CFAP43: variants seen among roughly 807,000 people sequenced by gnomAD.
CFAP43 encodes cilia- and flagella-associated protein 43.
Under a neutral mutation model 218.9 loss-of-function variants are expected in CFAP43, and 155 were observed. The ratio of observed to expected loss-of-function variants is 0.71; its 90% confidence interval spans 0.62 to 0.81. CFAP43 has a LOEUF of 0.81. CFAP43 is among the 30% of genes least tolerant of loss of function. The pLI is 0.00. For missense variants in CFAP43, 1,778 were observed against 1,954.3 expected, an observed-to-expected ratio of 0.91 and a Z score of 1.70; for synonymous variants, 645 against 681.3, an observed-to-expected ratio of 0.95 and a Z score of 0.83.
intron 27 of CFAP43, among the ~76,000 whole-genome samples, chr10:104,155,143 T>C (rs955438735): frequency 1.3e-5 from 2 of 152,140 alleles, no homozygotes; most frequent in Non-Finnish European, 2.9e-5. Context: ...TTGTCTCATC[T>C]TGGGGTGAGG....
intron 29 of CFAP43, among the ~76,000 whole-genome samples, chr10:104,147,059 C>T (rs2088011271): frequency 6.6e-6 from 1 of 151,926 alleles, no homozygotes. Context: ...CTTGCTGTGC[C>T]AAGCTCTGAA....
In CFAP43 at chr10:104,155,272, T is replaced by C. The variant is rs1001203601; in HGVS notation, c.3541-2546A>G. Among the ~76,000 whole-genome samples, 3 of 152,112 alleles carry C rather than the reference T, an allele frequency of 2.0e-5. No homozygotes were observed. The East Asian group carries it at 5.8e-4, about 29-fold the overall frequency. On this transcript the variant is annotated intron_variant, in intron 27 of 37. Coordinates refer to ENST00000357060, the MANE Select transcript of CFAP43 (RefSeq NM_025145.7). ...CTGGACATGGAGGCTCCCTTGATCA[T>C]CCAAGGGCAACAACATTCCAGAGAA...
chr10:104,143,486 G>A lies in CFAP43; in HGVS notation c.4098C>T (p.Asp1366=). Residue 1366 remains aspartate, a synonymous_variant, in exon 32 of 38, where the codon GAC becomes GAT. Coordinates refer to ENST00000357060, the MANE Select transcript of CFAP43 (RefSeq NM_025145.7). ...TGCAGAAATGATTCCAGACCAAAGG[G>A]TCCAAGCCTTCTGGCATGTTACTAA... ...DNISNMPEGL[D]PLVWNHFCMT... 1.9e-6 allele frequency: 3 copies of A among 1,614,108 alleles called. No homozygotes were observed. The highest frequency in any genetic ancestry group is 2.5e-6 in the Non-Finnish European group (3 of 1,180,026).
At chr10:104,211,027 G>A (rs369887293) in intron 5 of CFAP43, among the ~76,000 whole-genome samples, 5 of 151,780 alleles carry the variant, frequency 3.3e-5, no homozygotes, top group African/African-American at 2.4e-5. Context: ...TCCTGACCTC[G>A]TGATCCACCC....
rs185688011 is a variant in CFAP43, at chr10:104,167,472, T to C, written c.2808+149A>G. ...TGTGGATATAGGCTCCTATAGTTAT[T>C]AGAATATATTCTACAAATTAACAAG... On this transcript the variant is annotated intron_variant, in intron 22 of 37. Transcript: ENST00000357060. The C allele has an allele frequency of 2.0e-4, 105 of 513,700 alleles. No individual in the cohort carries two copies. In the Middle Eastern group the frequency reaches 2.1e-3, roughly 10 times the overall value. 31.8% of individuals were successfully genotyped at this position (513,700 alleles called of 1,614,324 possible).
rs748667309 is a variant in CFAP43 at position 104,148,286 on chromosome 10, C to T, written c.3661-288G>A. 4.9e-4 allele frequency among the ~76,000 whole-genome samples: 74 copies of T among 152,268 alleles called. No individual in the cohort carries two copies. In the Middle Eastern group the frequency reaches 0.01, roughly 21 times the overall value. ...AAACACTCTTGTTAGCACCACTTAT[C>T]GCAAGAAACAGAACTTTACGACTGC... On this transcript the variant is annotated intron_variant, in intron 28 of 37. Transcript: ENST00000357060.
chr10:104,228,137 C>T (rs532865415), intron 2 of CFAP43, among the ~76,000 whole-genome samples: 2 of 152,014 alleles, frequency 1.3e-5, no homozygotes, highest in African/African-American at 2.4e-5. Flanking sequence ...CCACTGTGCC[C>T]GGCCCATATT....
At chr10:104,173,485 A>C (rs1053552059) in intron 19 of CFAP43, among the ~76,000 whole-genome samples, 2 of 152,022 alleles carry the variant, frequency 1.3e-5, no homozygotes, top group Non-Finnish European at 2.9e-5. Flanking sequence ...GGGGTGCTGC[A>C]TCAGAAACAG....
intron 31 of CFAP43, 63 bp downstream of exon 31, chr10:104,145,413 G>A (rs909370742): frequency 9.2e-7 from 1 of 1,084,442 alleles, no homozygotes; most frequent in Non-Finnish European, 1.4e-6. Flanking sequence ...CTGAAATCTA[G>A]TAACACTCCT....
At position 104,172,545 on chromosome 10, in the gene CFAP43, GA is replaced by G; in HGVS notation, c.2461-11del. The G allele has an allele frequency of 6.3e-7, 1 of 1,576,926 alleles. No individual in the cohort carries two copies. The highest frequency in any genetic ancestry group is 8.6e-7 in the Non-Finnish European group (1 of 1,166,648). On this transcript the variant is annotated splice_polypyrimidine_tract_variant and intron_variant, in intron 19 of 37. Coordinates refer to ENST00000357060, the MANE Select transcript of CFAP43 (RefSeq NM_025145.7). ...CCATCATATTCAGAATCTGAATGTT[GA>G]AATAAAAAAGAGTGCTGACAAGTAA...
rs985861891 is a variant in CFAP43 at position 104,153,877 on chromosome 10, C to T, written c.3541-1151G>A. ...ACCATTTGAGAATAATTTGCAGACA[C>T]TTGAGGACAGGCCACTTATTTTGTA... On this transcript the variant is annotated intron_variant, in intron 27 of 37. Transcript: ENST00000357060. Among the ~76,000 whole-genome samples, 97 of 150,558 alleles carry T rather than the reference C, an allele frequency of 6.4e-4. 1 individual carries two copies. The highest frequency in any genetic ancestry group is 2.4e-3 in the African/African-American group (97 of 40,830).
chr10:104,139,961 A>G (rs2087631163), intron 34 of CFAP43, among the ~76,000 whole-genome samples: 1 of 152,204 alleles, frequency 6.6e-6, no homozygotes, highest in Non-Finnish European at 1.5e-5. Context: ...CTAATTCCCA[A>G]ATAGCACAAA....
intron 26 of CFAP43, 135 bp from the exon 27 acceptor site, chr10:104,161,297 T>C: frequency 1.1e-6 from 1 of 910,564 alleles, no homozygotes; most frequent in South Asian, 2.0e-5. Context: ...CGACCTGACA[T>C]CTTGGGCAAA....
At chr10:104,224,647 C>T (rs946460135) in intron 3 of CFAP43, among the ~76,000 whole-genome samples, 5 of 145,730 alleles carry the variant, frequency 3.4e-5, no homozygotes, top group Admixed American at 2.1e-4. Flanking sequence ...CCCAGCTACT[C>T]GGGAGGCTGA....
chr10:104,164,740 A>C (rs11191935), intron 23 of CFAP43, among the ~76,000 whole-genome samples: 6,503 of 152,238 alleles, frequency 0.043, 472 homozygotes, highest in African/African-American at 0.15. Context: ...TCTTTCTAGA[A>C]TACTACTTAA....
chr10:104,218,400 A>AT (rs1393314656), intron 3 of CFAP43, among the ~76,000 whole-genome samples: 1 of 151,344 alleles, frequency 6.6e-6, no homozygotes, highest in South Asian at 2.1e-4. Context: ...TCCAAAAAGA[A>AT]TTTTTTTTCA....
At chr10:104,214,119 C>G (rs1389723406) in intron 4 of CFAP43, 140 bp downstream of exon 4, 15 of 708,686 alleles carry the variant, frequency 2.1e-5, no homozygotes, top group Middle Eastern at 2.7e-4. Flanking sequence ...ACAAGATAAG[C>G]TGAACGTATG....
intron 1 of CFAP43, among the ~76,000 whole-genome samples, chr10:104,231,627 G>C (rs1589831865): frequency 6.6e-6 from 1 of 152,164 alleles, no homozygotes; most frequent in East Asian, 1.9e-4. Context: ...GAGTGGAGGT[G>C]GGGGCTGGGA....
intron 20 of CFAP43, among the ~76,000 whole-genome samples, chr10:104,169,167 C>G (rs975825903): frequency 2.6e-5 from 4 of 152,314 alleles, no homozygotes; most frequent in African/African-American, 9.6e-5. Context: ...TGGTGGTGAG[C>G]TGCGTAGCTA....
Sources: allele counts gnomAD v4.1 joint callset (sites outside exome capture counted in the v4.1 genomes callset), GRCh38; gene constraint gnomAD v4.1.1; transcripts MANE v1.5; gene names NCBI Gene and HGNC (gene_info 2026-07-23, HGNC 2026-07-21).